The following TPH2 variants were observed in gnomAD, a reference collection of about 807,000 sequenced individuals.
TPH2 encodes the protein tryptophan hydroxylase 2, also known as tryptophan 5-hydroxylase 2.
Under a neutral mutation model 59.1 loss-of-function variants are expected in TPH2, and 27 were observed. The ratio of observed to expected loss-of-function variants is 0.46; its 90% confidence interval spans 0.34 to 0.63. TPH2 has a LOEUF of 0.63. TPH2 is among the 30% of genes least tolerant of loss of function. The probability of loss-of-function intolerance (pLI) is 0.01; values close to 1 mark genes in which losing one functional copy is unlikely to be tolerated. For synonymous variants in TPH2, 220 were observed against 210.5 expected (o/e 1.05, Z -0.39); for missense variants, 523 against 588.3 (o/e 0.89, Z 1.15).
intron 8 of TPH2, among the ~76,000 whole-genome samples, chr12:72,015,998 T>G (rs967210766): frequency 5.9e-5 from 9 of 152,202 alleles, no homozygotes; most frequent in African/African-American, 2.2e-4. Flanking sequence ...AGTGGCCTTG[T>G]ATCCATAAGT....
At chr12:71,946,731 G>A (rs1220921545) in intron 4 of TPH2, among the ~76,000 whole-genome samples, 1 of 152,172 alleles carries the variant, frequency 6.6e-6, no homozygotes, top group East Asian at 1.9e-4. Context: ...CAAACACAGG[G>A]ACCGTTGTGA....
intron 5 of TPH2, chr12:71,961,680 GTTGC>G: frequency 7.4e-7 from 1 of 1,351,096 alleles, no homozygotes; most frequent in Non-Finnish European, 9.8e-7. Context: ...ATCCATTGTT[GTTGC>G]TGTTGATATT....
intron 8 of TPH2, among the ~76,000 whole-genome samples, chr12:72,003,958 A>C (rs1380973231): frequency 6.6e-6 from 1 of 152,248 alleles, no homozygotes; most frequent in Non-Finnish European, 1.5e-5. Flanking sequence ...TCATAAAGAT[A>C]GAACTACCTT....
intron 8 of TPH2, among the ~76,000 whole-genome samples, chr12:72,020,522 C>T (rs1458531019): frequency 6.6e-6 from 1 of 152,032 alleles, no homozygotes; most frequent in Non-Finnish European, 1.5e-5. Flanking sequence ...GAGTTTTGCT[C>T]TTGTTGCCCA....
At chr12:72,029,882 T>G (rs2139252036) in intron 9 of TPH2, among the ~76,000 whole-genome samples, 1 of 152,286 alleles carries the variant, frequency 6.6e-6, no homozygotes, top group Admixed American at 6.5e-5. Flanking sequence ...CCATGCATTT[T>G]GAAATTGTTG....
intron 1 of TPH2, among the ~76,000 whole-genome samples, chr12:71,940,195 ACC>A (rs1871018473): frequency 6.6e-6 from 1 of 152,084 alleles, no homozygotes; most frequent in Non-Finnish European, 1.5e-5. Context: ...TTAATGTATG[ACC>A]CTTTTATATA....
rs1366860257 is a variant in TPH2, at chr12:71,979,040, T to C, written c.894T>C (p.Cys298=). ...GACTGGCCTACAGAGTGTTCCACTG[T>C]ACCCAGTACATCCGGCATGGCTCAG... The part of the protein sequence containing the change: ...LAGLAYRVFH[C]TQYIRHGSDP... Residue 298 remains cysteine, a synonymous_variant, in exon 7 of 11, where the codon TGT becomes TGC. Coordinates refer to ENST00000333850, the MANE Select transcript of TPH2 (RefSeq NM_173353.4). The C allele has an allele frequency of 3.7e-6, 6 of 1,614,214 alleles. No homozygotes were observed. The highest frequency in any genetic ancestry group is 1.7e-5 in the Admixed American group (1 of 60,018).
chr12:71,972,081 A>G (rs1012488016), intron 5 of TPH2, among the ~76,000 whole-genome samples: 1 of 152,198 alleles, frequency 6.6e-6, no homozygotes, highest in Non-Finnish European at 1.5e-5. Context: ...ACACTTGAAG[A>G]TTGGAGTGAG....
chr12:72,011,596 G>A (rs1292165795), intron 8 of TPH2, among the ~76,000 whole-genome samples: 1 of 152,142 alleles, frequency 6.6e-6, no homozygotes, highest in African/African-American at 2.4e-5. Flanking sequence ...ATTTTCCCTG[G>A]CAAGTCTCCA....
At chr12:71,949,822 C>T (rs558871394) in intron 5 of TPH2, among the ~76,000 whole-genome samples, 167 bp downstream of exon 5, 46 of 152,290 alleles carry the variant, frequency 3.0e-4, no homozygotes, top group African/African-American at 9.9e-4. Context: ...TGATGTTTGA[C>T]ATCTGGGTAT....
At chr12:71,985,792 C>G (rs1185455264) in intron 7 of TPH2, among the ~76,000 whole-genome samples, 1 of 152,108 alleles carries the variant, frequency 6.6e-6, no homozygotes, top group Non-Finnish European at 1.5e-5. Context: ...TGCTGTGCTG[C>G]CCCATCCAGT....
At position 71,949,577 on chromosome 12, in the gene TPH2, T is replaced by C. The variant is rs1386857875; in HGVS notation, c.541-11T>C. 1.2e-6 allele frequency: 2 copies of C among 1,610,606 alleles called. No homozygotes were observed. The highest frequency in any genetic ancestry group is 1.1e-5 in the South Asian group (1 of 90,992). ...ACTTTGTTAAATAACTTAATCTTTT[T>C]TGTGTTTAAGGGATTTAAGGACAAT... is the stretch of plus-strand genomic sequence containing the variant. On this transcript the variant is annotated splice_polypyrimidine_tract_variant and intron_variant, in intron 4 of 10. Transcript: ENST00000333850.
chr12:72,002,781 A>G (rs1333027058), intron 8 of TPH2, among the ~76,000 whole-genome samples: 2 of 151,852 alleles, frequency 1.3e-5, no homozygotes, highest in African/African-American at 4.8e-5. Context: ...GCAGGAAAGA[A>G]GTGTCAGGAA....
At chr12:72,012,455 G>A (rs964155104) in intron 8 of TPH2, among the ~76,000 whole-genome samples, 6 of 152,218 alleles carry the variant, frequency 3.9e-5, no homozygotes, top group Non-Finnish European at 5.9e-5. Flanking sequence ...GGATCAGTCT[G>A]TGCAATTGCC....
At chr12:71,941,299 G>A (rs562408349) in intron 1 of TPH2, among the ~76,000 whole-genome samples, 5 of 152,146 alleles carry the variant, frequency 3.3e-5, no homozygotes, top group East Asian at 3.9e-4. Context: ...TATTGCAGGC[G>A]TTACGACAGT....
At chr12:72,022,833 A>T (rs1384154747) in intron 9 of TPH2, among the ~76,000 whole-genome samples, 2 of 152,160 alleles carry the variant, frequency 1.3e-5, no homozygotes, top group Non-Finnish European at 2.9e-5. Flanking sequence ...TACTGACTGA[A>T]ATTCACTTGC....
At chr12:71,969,971 C>A (rs1318097455) in intron 5 of TPH2, among the ~76,000 whole-genome samples, 2 of 152,110 alleles carry the variant, frequency 1.3e-5, no homozygotes, top group African/African-American at 4.8e-5. Context: ...AAACACTTAA[C>A]CTTAAACATA....
In TPH2 at chr12:71,941,614, G is replaced by A. The variant is rs1462726765; in HGVS notation, c.136G>A (p.Asp46Asn). 1.9e-6 allele frequency: 3 copies of A among 1,613,812 alleles called. No individual in the cohort carries two copies. The highest frequency in any genetic ancestry group is 2.5e-6 in the Non-Finnish European group (3 of 1,179,954). The change falls in exon 2 of 11, where the codon GAC (aspartate) becomes AAC (asparagine). Residue 46 changes from aspartate to asparagine, a missense_variant. Asp to Asn is a conservative substitution (Grantham distance 23, BLOSUM62 1). Transcript: ENST00000333850. ...TAAACCTAACTCTGGCAAAAATGAC[G>A]ACAAAGGCAACAAGGGAAGCAGCAA... is the stretch of plus-strand genomic sequence containing the variant. ...LNKPNSGKNDDKGNKGSSKRE... is the reference protein window; with the variant it reads ...LNKPNSGKNDNKGNKGSSKRE...
At chr12:72,014,875 T>G (rs560174368) in intron 8 of TPH2, among the ~76,000 whole-genome samples, 20 of 152,294 alleles carry the variant, frequency 1.3e-4, no homozygotes, top group African/African-American at 4.6e-4. Context: ...GGATAGATAT[T>G]TCAGAGGCAG....
Sources: gnomAD v4.1 joint callset for allele counts (sites outside exome capture counted in the v4.1 genomes callset) on GRCh38, gnomAD v4.1.1 for gene constraint, MANE v1.5 for transcripts, NCBI Gene and HGNC (gene_info 2026-07-23, HGNC 2026-07-21) for gene names.